CCDC57: variants seen among roughly 807,000 people sequenced by gnomAD.
CCDC57 encodes coiled-coil domain containing 57, also known as coiled-coil domain-containing protein 57.
In CCDC57, 118 loss-of-function variants were observed where a neutral mutation model predicts 118.9. That is an observed-to-expected ratio of 0.99 (90% CI 0.86 to 1.16). CCDC57 has a LOEUF of 1.16. CCDC57 is among the 50% of genes most tolerant of loss of function. The pLI is 0.00. For missense variants in CCDC57, 1,300 were observed against 1,320.7 expected (o/e 0.98, Z 0.24); for synonymous variants, 527 against 532.9 (o/e 0.99, Z 0.15).
intron 3 of CCDC57, among the ~76,000 whole-genome samples, chr17:82,199,644 G>C (rs1258454253): frequency 1.3e-5 from 2 of 152,202 alleles, no homozygotes; most frequent in Admixed American, 1.3e-4. Context: ...CTATGAGAAA[G>C]TCAGCACCCG....
In CCDC57 at chr17:82,193,976, G is replaced by A. The variant is rs375305474; in HGVS notation, c.776+6C>T. On this transcript the variant is annotated splice_donor_region_variant and intron_variant, in intron 6 of 19. Transcript: ENST00000665763. ...GCACGCCTCGGGAGATGAAGGACTC[G>A]CGCACCGGGCGCGGCTCATGGCCTC... 4.4e-5 allele frequency: 71 copies of A among 1,606,154 alleles called. No homozygotes were observed. The highest frequency in any genetic ancestry group is 1.1e-4 in the African/African-American group (8 of 74,778).
At chr17:82,108,153 C>T (rs1156262716) in intron 19 of CCDC57, among the ~76,000 whole-genome samples, 3 of 152,240 alleles carry the variant, frequency 2.0e-5, no homozygotes, top group African/African-American at 4.8e-5. Context: ...TTGGCCAGGC[C>T]GCAGTCCTTG....
intron 9 of CCDC57, among the ~76,000 whole-genome samples, chr17:82,183,414 G>A (rs997694964): frequency 1.3e-5 from 2 of 151,930 alleles, no homozygotes; most frequent in East Asian, 3.9e-4. Context: ...CCAACTCCTG[G>A]GTTCCAGCAA....
chr17:82,170,093 C>A lies in CCDC57; in HGVS notation c.1882+1608G>T, dbSNP rs1005289020. Among the ~76,000 whole-genome samples, 3 of 152,252 alleles carry A rather than the reference C, an allele frequency of 2.0e-5. No homozygotes were observed. In the South Asian group the frequency reaches 6.2e-4, roughly 32 times the overall value. Reference sequence around the variant, plus strand: ...CCAATTCTATGGACTGAGCTCTGCCCCCCAAAATTTACGGGTTGAAGCTCT... The same window carrying A: ...CCAATTCTATGGACTGAGCTCTGCCACCCAAAATTTACGGGTTGAAGCTCT... On this transcript the variant is annotated intron_variant, in intron 13 of 19. Transcript: ENST00000665763.
At position 82,193,978 on chromosome 17, in the gene CCDC57, G is replaced by A. The variant is rs535580376; in HGVS notation, c.776+4C>T. On this transcript the variant is annotated splice_donor_region_variant and intron_variant, in intron 6 of 19. Coordinates refer to ENST00000665763, the Ensembl canonical transcript of CCDC57. ...ACGCCTCGGGAGATGAAGGACTCGC[G>A]CACCGGGCGCGGCTCATGGCCTCCA... The A allele has an allele frequency of 7.5e-6, 12 of 1,606,546 alleles. No homozygotes were observed. The highest frequency in any genetic ancestry group is 1.6e-4 in the Middle Eastern group (1 of 6,066).
chr17:82,180,157 C>T (rs1388631796), intron 9 of CCDC57, among the ~76,000 whole-genome samples: 3 of 152,216 alleles, frequency 2.0e-5, no homozygotes, highest in Non-Finnish European at 2.9e-5. Context: ...GGAGGGGCTG[C>T]GTGGCCAGGA....
intron 19 of CCDC57, among the ~76,000 whole-genome samples, 156 bp from the exon 19 acceptor site, chr17:82,102,022 G>T (rs2034484957): frequency 6.6e-6 from 1 of 152,258 alleles, no homozygotes; most frequent in Admixed American, 6.5e-5. Flanking sequence ...GTCCGTGAAG[G>T]CCAAAGGATC....
At chr17:82,150,564 C>G in intron 16 of CCDC57, among the ~76,000 whole-genome samples, 1 of 62,290 alleles carries the variant, frequency 1.6e-5, no homozygotes, top group Non-Finnish European at 3.0e-5. Context: ...CACCCAGAAC[C>G]AGGCGCACAC....
intron 8 of CCDC57, 88 bp from the exon 8 acceptor site, chr17:82,184,020 C>CGCGCGCGT (rs1555746187): frequency 1.5e-5 from 4 of 260,850 alleles, no homozygotes; most frequent in South Asian, 1.1e-4. Context: ...TACACATGCG[C>CGCGCGCGT]GCGCGCGCGC....
chr17:82,142,347 T>A (rs569124253), intron 16 of CCDC57, among the ~76,000 whole-genome samples: 1 of 152,102 alleles, frequency 6.6e-6, no homozygotes, highest in African/African-American at 2.4e-5. Flanking sequence ...GAGTCTTGCT[T>A]TGTCGCCCAG....
intron 19 of CCDC57, among the ~76,000 whole-genome samples, chr17:82,117,909 T>A (rs1377159440): frequency 6.6e-6 from 1 of 152,132 alleles, no homozygotes; most frequent in Admixed American, 6.6e-5. Flanking sequence ...ATTTCCCTTC[T>A]GATCTAACAG....
chr17:82,151,193 CCAGGCGCACA>C (rs2041985938), intron 16 of CCDC57, among the ~76,000 whole-genome samples: 1 of 142,308 alleles, frequency 7.0e-6, no homozygotes, highest in African/African-American at 2.6e-5. Flanking sequence ...ACACCCAGAA[CCAGGCGCACA>C]TCCAGAACCT....
exon 8 of CCDC57, chr17:82,188,332 C>T: frequency 6.2e-7 from 1 of 1,608,512 alleles, no homozygotes. Context: ...CCCTGGTCTG[C>T]AGCTCCTGCA....
chr17:82,101,654 C>CT, exon 20 of CCDC57: 1 of 1,572,978 alleles, frequency 6.4e-7, no homozygotes, highest in Non-Finnish European at 8.6e-7. Flanking sequence ...CCGAGCACCC[C>CT]TTAGTGGGGC....
intron 17 of CCDC57, among the ~76,000 whole-genome samples, chr17:82,133,045 A>G (rs2038644773): frequency 6.6e-6 from 1 of 151,960 alleles, no homozygotes. Context: ...GGCGTGAGCC[A>G]CCGCACCTGG....
rs1317935099 is a variant in CCDC57, at chr17:82,118,153, GAA to G, written c.2899+9537_2899+9538del. ...TGCCCCCACGATATGCAATTGACAAGAAAAGAGGATATACACATATATTTAAA... is the reference window on the plus strand; with the variant it reads ...TGCCCCCACGATATGCAATTGACAAGAAGAGGATATACACATATATTTAAA... On this transcript the variant is annotated intron_variant, in intron 19 of 19. Coordinates refer to ENST00000665763, the Ensembl canonical transcript of CCDC57. The surrounding 1 kb of genome is among the most constrained non-coding windows in gnomAD (Gnocchi z 4.7). Among the ~76,000 whole-genome samples, 2 of 151,754 alleles carry G rather than the reference GAA, an allele frequency of 1.3e-5. No homozygotes were observed. The highest frequency in any genetic ancestry group is 3.0e-5 in the Non-Finnish European group (2 of 67,714).
chr17:82,185,225 G>A (rs2046786423), intron 8 of CCDC57: 1 of 152,398 alleles, frequency 6.6e-6, no homozygotes, highest in Non-Finnish European at 1.5e-5. Flanking sequence ...AAGCCAAGGT[G>A]GAAGGATCAC....
chr17:82,164,488 G>A (rs1485987940), intron 13 of CCDC57, among the ~76,000 whole-genome samples: 1 of 152,004 alleles, frequency 6.6e-6, no homozygotes, highest in African/African-American at 2.4e-5. Flanking sequence ...GTATAATAGA[G>A]AATCAACAAA....
chr17:82,105,905 C>T (rs779862930), intron 19 of CCDC57, among the ~76,000 whole-genome samples: 2 of 152,242 alleles, frequency 1.3e-5, no homozygotes, highest in Non-Finnish European at 2.9e-5. Flanking sequence ...ATCACTCAGC[C>T]TGGTGAGGCA....
Sources: allele counts gnomAD v4.1 joint callset (sites outside exome capture counted in the v4.1 genomes callset), GRCh38; gene constraint gnomAD v4.1.1; non-coding constraint Gnocchi (gnomAD v3.1); transcripts MANE v1.5; gene names NCBI Gene and HGNC (gene_info 2026-07-23, HGNC 2026-07-21).